SPATA17: variants seen among roughly 807,000 people sequenced by gnomAD.
The protein encoded by SPATA17 is spermatogenesis associated 17, also known as spermatogenesis-associated protein 17.
A neutral mutation model predicts 62.2 loss-of-function variants in SPATA17; 53 were observed. The ratio of observed to expected loss-of-function variants is 0.85; its 90% CI spans 0.68 to 1.07. The LOEUF (loss-of-function observed/expected upper bound fraction) is 1.07. SPATA17 is among the 50% of genes least tolerant of loss of function. The probability of loss-of-function intolerance (pLI) is 0.00; values close to 1 mark genes in which losing one functional copy is unlikely to be tolerated. For missense variants in SPATA17, 466 were observed against 425.5 expected, an observed-to-expected ratio of 1.10 and a Z score of -0.84; for synonymous variants, 146 against 146.8, an observed-to-expected ratio of 0.99 and a Z score of 0.04.
chr1:217,755,945 G>A (rs1673031130), intron 6 of SPATA17, among the ~76,000 whole-genome samples: 1 of 151,838 alleles, frequency 6.6e-6, no homozygotes, highest in African/African-American at 2.4e-5. Context: ...CTTTTTCAAG[G>A]CAGAATTATT....
intron 4 of SPATA17, among the ~76,000 whole-genome samples, chr1:217,670,314 G>T (rs894299573): frequency 6.6e-6 from 1 of 152,106 alleles, no homozygotes; most frequent in Non-Finnish European, 1.5e-5. Context: ...ATCACCAGGG[G>T]AGACTGTAGA....
intron 3 of SPATA17, among the ~76,000 whole-genome samples, chr1:217,655,958 A>G (rs1351898097): frequency 6.6e-6 from 1 of 152,154 alleles, no homozygotes; most frequent in Non-Finnish European, 1.5e-5. Context: ...ACTTATGCAT[A>G]TAAGACATTC....
intron 5 of SPATA17, among the ~76,000 whole-genome samples, chr1:217,710,450 G>C (rs543242925): frequency 6.6e-6 from 1 of 152,102 alleles, no homozygotes; most frequent in African/African-American, 2.4e-5. Flanking sequence ...ATTCCCCCAA[G>C]TTTAATGCTT....
chr1:217,647,178 A>G (rs568798017), intron 1 of SPATA17, among the ~76,000 whole-genome samples: 2 of 152,280 alleles, frequency 1.3e-5, no homozygotes, highest in East Asian at 1.9e-4. Context: ...ATTTCCTTCT[A>G]TTTCTCTCAA....
chr1:217,767,360 C>A (rs1673324791), intron 6 of SPATA17, among the ~76,000 whole-genome samples: 1 of 151,898 alleles, frequency 6.6e-6, no homozygotes, highest in African/African-American at 2.4e-5. Flanking sequence ...TAAAATTTAT[C>A]CTACTTGATT....
At chr1:217,758,719 C>G (rs907859460) in intron 6 of SPATA17, among the ~76,000 whole-genome samples, 1 of 152,052 alleles carries the variant, frequency 6.6e-6, no homozygotes, top group Non-Finnish European at 1.5e-5. Flanking sequence ...GAGCAAGGAA[C>G]TAAGTGAGGG....
intron 9 of SPATA17, among the ~76,000 whole-genome samples, chr1:217,829,381 G>A (rs1278279947): frequency 6.6e-6 from 1 of 151,694 alleles, no homozygotes; most frequent in African/African-American, 2.4e-5. Flanking sequence ...TAATCCCAGT[G>A]CTTTGGGAGG....
intron 4 of SPATA17, among the ~76,000 whole-genome samples, chr1:217,680,805 G>A (rs951840493): frequency 6.7e-6 from 1 of 149,626 alleles, no homozygotes; most frequent in African/African-American, 2.5e-5. Context: ...CATGCCTGTA[G>A]TCCAAGCTAC....
intron 6 of SPATA17, among the ~76,000 whole-genome samples, chr1:217,750,947 T>G (rs1672890204): frequency 6.6e-6 from 1 of 152,202 alleles, no homozygotes; most frequent in Admixed American, 6.5e-5. Context: ...AATAAAAATC[T>G]GAGTTGGTCA....
At chr1:217,725,597 G>T (rs1307796654) in intron 5 of SPATA17, among the ~76,000 whole-genome samples, 1 of 152,092 alleles carries the variant, frequency 6.6e-6, no homozygotes, top group Non-Finnish European at 1.5e-5. Flanking sequence ...TGAGTAGCTG[G>T]TATTACGGGC....
chr1:217,847,171 AAAT>A (rs748160405), intron 9 of SPATA17, among the ~76,000 whole-genome samples: 11 of 151,968 alleles, frequency 7.2e-5, no homozygotes, highest in Non-Finnish European at 1.3e-4. Flanking sequence ...ATTGTTCAAA[AAAT>A]AATAATGAAA....
intron 4 of SPATA17, among the ~76,000 whole-genome samples, chr1:217,681,101 T>G (rs1252299256): frequency 1.3e-5 from 2 of 150,500 alleles, no homozygotes; most frequent in African/African-American, 4.9e-5. Context: ...GTGGCATGTG[T>G]CTGTTATCCC....
At chr1:217,678,205 C>CTTTTTTTTTTTTT in intron 4 of SPATA17, among the ~76,000 whole-genome samples, 1 of 107,552 alleles carries the variant, frequency 9.3e-6, no homozygotes, top group Non-Finnish European at 2.0e-5. Context: ...CTTTTCTTTT[C>CTTTTTTTTTTTTT]TTTTTTTTTT....
rs936655771 is a variant in SPATA17 at position 217,809,197 on chromosome 1, AT to A, written c.1005+7357del. Among the ~76,000 whole-genome samples, 66 of 150,252 alleles carry A rather than the reference AT, an allele frequency of 4.4e-4. 1 individual carries two copies. The highest frequency in any genetic ancestry group is 1.1e-3 in the African/African-American group (44 of 41,068). The stretch of plus-strand genomic sequence containing the variant: ...AGTAAATTGGATACTTCAGAAAGCA[AT>A]TTTTTTTTTGTTTGCAGCTAAGACA... On this transcript the variant is annotated intron_variant, in intron 9 of 10. Coordinates refer to ENST00000366933, the MANE Select transcript of SPATA17 (RefSeq NM_138796.4).
At chr1:217,678,487 C>T (rs1044026295) in intron 4 of SPATA17, among the ~76,000 whole-genome samples, 7 of 151,920 alleles carry the variant, frequency 4.6e-5, no homozygotes, top group African/African-American at 1.7e-4. Context: ...GGATTACAGG[C>T]ATGAGCCACC....
At chr1:217,860,028 A>G (rs1675866888) in intron 9 of SPATA17, among the ~76,000 whole-genome samples, 1 of 152,098 alleles carries the variant, frequency 6.6e-6, no homozygotes, top group Non-Finnish European at 1.5e-5. Flanking sequence ...TTTCTAGTAT[A>G]TGCATTTAGT....
intron 9 of SPATA17, among the ~76,000 whole-genome samples, chr1:217,847,389 C>T (rs754809394): frequency 4.6e-5 from 7 of 152,054 alleles, no homozygotes; most frequent in Non-Finnish European, 8.8e-5. Flanking sequence ...CAAGGGCATC[C>T]AAGTATGAAA....
At chr1:217,727,922 C>G (rs1047708246) in intron 5 of SPATA17, among the ~76,000 whole-genome samples, 9 of 152,142 alleles carry the variant, frequency 5.9e-5, no homozygotes, top group Admixed American at 1.3e-4. Context: ...AATGTTAATA[C>G]ATGTAGTTAC....
chr1:217,652,485 C>T (rs1670341270), intron 3 of SPATA17, among the ~76,000 whole-genome samples: 1 of 152,040 alleles, frequency 6.6e-6, no homozygotes, highest in South Asian at 2.1e-4. Flanking sequence ...CTGCCTGCCT[C>T]GGCCTCCCAA....
Sources: allele counts gnomAD v4.1 joint callset (sites outside exome capture counted in the v4.1 genomes callset), GRCh38; gene constraint gnomAD v4.1.1; transcripts MANE v1.5; gene names NCBI Gene and HGNC (gene_info 2026-07-23, HGNC 2026-07-21).